RPS6KA2: variants seen among roughly 807,000 people sequenced by gnomAD.
RPS6KA2 encodes ribosomal protein S6 kinase alpha-2.
A neutral mutation model predicts 91.8 loss-of-function variants in RPS6KA2; 42 were observed. That is an observed-to-expected ratio of 0.46 (90% CI 0.36 to 0.59). The LOEUF (loss-of-function observed/expected upper bound fraction) is 0.59. Ranked by LOEUF, RPS6KA2 falls within the 20% of genes least tolerant of loss-of-function variation. The pLI is 0.00. For missense variants in RPS6KA2, 798 were observed against 978.5 expected, an observed-to-expected ratio of 0.82 and a Z score of 2.46; for synonymous variants, 414 against 393.6, an observed-to-expected ratio of 1.05 and a Z score of -0.61.
At chr6:166,576,316 T>A (rs1784835799) in intron 1 of RPS6KA2, among the ~76,000 whole-genome samples, 1 of 152,156 alleles carries the variant, frequency 6.6e-6, no homozygotes, top group Non-Finnish European at 1.5e-5. Flanking sequence ...AATGTGGAAG[T>A]GACTTTGGAA....
Position 166,648,164 on chromosome 6 carries a change from G to GCACACACATA in RPS6KA2, c.124-109381_124-109380insTATGTGTGTG, listed in dbSNP as rs796961486. On this transcript the variant is annotated intron_variant, in intron 2 of 21. Coordinates refer to the RPS6KA2 transcript ENST00000503859. The surrounding 1 kb of genome is among the most constrained non-coding windows in gnomAD (Gnocchi z 4.8). ...CACACGCACATGGTTACACACCCAT[G>GCACACACATA]CACACATGCTCACACACATGCACAC... Among the ~76,000 whole-genome samples, 25,624 of 119,738 alleles carry GCACACACATA rather than the reference G, an allele frequency of 0.21. 2,389 individuals are homozygous for GCACACACATA. Among genetic ancestry groups the GCACACACATA allele is most frequent in the Middle Eastern group, 0.34 (55 of 164 alleles). 78.6% of individuals were successfully genotyped at this position (119,738 alleles called of 152,430 possible).
chr6:166,540,944 C>T (rs559648851), intron 1 of RPS6KA2, among the ~76,000 whole-genome samples: 1 of 152,154 alleles, frequency 6.6e-6, no homozygotes, highest in Non-Finnish European at 1.5e-5. Flanking sequence ...CATTGACCTA[C>T]GAAAGGAAGA....
intron 1 of RPS6KA2, among the ~76,000 whole-genome samples, chr6:166,552,499 T>C (rs763565935): frequency 1.3e-5 from 2 of 152,142 alleles, no homozygotes; most frequent in Non-Finnish European, 2.9e-5. Flanking sequence ...AATATATAAG[T>C]GTTCAAGATC....
intron 2 of RPS6KA2, among the ~76,000 whole-genome samples, chr6:166,814,027 T>G (rs1451185456): frequency 6.6e-6 from 1 of 152,232 alleles, no homozygotes; most frequent in Non-Finnish European, 1.5e-5. Flanking sequence ...TGATTATTAT[T>G]GATCAACCCC....
At chr6:166,780,905 AG>A (rs890994376) in intron 2 of RPS6KA2, among the ~76,000 whole-genome samples, 22 of 152,214 alleles carry the variant, frequency 1.4e-4, no homozygotes, top group African/African-American at 5.3e-4. Flanking sequence ...AACACTCCCC[AG>A]TGGACTAATG....
intron 1 of RPS6KA2, among the ~76,000 whole-genome samples, chr6:166,567,770 C>G (rs1784546449): frequency 6.6e-6 from 1 of 152,210 alleles, no homozygotes; most frequent in African/African-American, 2.4e-5. Flanking sequence ...GAAACCCATG[C>G]CCTTCCCATG....
chr6:166,734,171 G>A (rs1379614157), intron 2 of RPS6KA2, among the ~76,000 whole-genome samples: 1 of 152,220 alleles, frequency 6.6e-6, no homozygotes, highest in Non-Finnish European at 1.5e-5. Context: ...GGGGGCCGAG[G>A]GCTCCTGGCA....
In RPS6KA2 at chr6:166,676,904, T is replaced by C. The variant is rs758955489; in HGVS notation, c.124-138120A>G. On this transcript the variant is annotated intron_variant, in intron 2 of 21. Coordinates refer to the RPS6KA2 transcript ENST00000503859. The stretch of plus-strand genomic sequence containing the variant: ...TCTTGTCCTTCTTGTTTTGACTGAT[T>C]AGTTATTGGAGAAACTGGAACTGAG... Among the ~76,000 whole-genome samples, 16 of 152,218 alleles carry C rather than the reference T, an allele frequency of 1.1e-4. 1 individual carries two copies. Among genetic ancestry groups the C allele is most frequent in the Admixed American group, 5.9e-4 (9 of 15,286 alleles).
intron 1 of RPS6KA2, among the ~76,000 whole-genome samples, chr6:166,589,842 C>T (rs531178422): frequency 1.3e-5 from 2 of 152,316 alleles, no homozygotes; most frequent in Admixed American, 1.3e-4. Context: ...TGATATACAA[C>T]ATAAACTAAA....
At chr6:166,711,480 A>T (rs1200444028) in intron 2 of RPS6KA2, among the ~76,000 whole-genome samples, 4 of 151,494 alleles carry the variant, frequency 2.6e-5, no homozygotes, top group Non-Finnish European at 5.9e-5. Context: ...CAGCCATGAT[A>T]AAAATGCTTC....
intron 11 of RPS6KA2, among the ~76,000 whole-genome samples, chr6:166,468,891 C>T (rs929970800): frequency 3.3e-5 from 5 of 149,786 alleles, no homozygotes; most frequent in East Asian, 1.9e-4. Context: ...GAGAGGAAAG[C>T]GAAAGCAGAT....
At chr6:166,678,611 C>G (rs1488120217) in intron 2 of RPS6KA2, among the ~76,000 whole-genome samples, 1 of 152,212 alleles carries the variant, frequency 6.6e-6, no homozygotes, top group Non-Finnish European at 1.5e-5. Context: ...CGTCTACTTA[C>G]AGTTCTCAAT....
chr6:166,819,103 A>G (rs955187056), intron 2 of RPS6KA2, among the ~76,000 whole-genome samples: 4 of 152,036 alleles, frequency 2.6e-5, no homozygotes, highest in African/African-American at 9.7e-5. Context: ...AGCCCACAAC[A>G]TCATTTGAAG....
intron 2 of RPS6KA2, among the ~76,000 whole-genome samples, chr6:166,830,949 A>C (rs943047484): frequency 1.3e-5 from 2 of 152,130 alleles, no homozygotes; most frequent in African/African-American, 4.8e-5. Flanking sequence ...GGCCAGACCC[A>C]GGCTCTCCCT....
At chr6:166,544,232 C>T (rs773641175) in intron 1 of RPS6KA2, among the ~76,000 whole-genome samples, 2 of 152,216 alleles carry the variant, frequency 1.3e-5, no homozygotes, top group Non-Finnish European at 2.9e-5. Context: ...TGTAGTCTAC[C>T]ACGCCGCTAG....
chr6:166,501,929 G>A (rs1486279411), intron 6 of RPS6KA2, among the ~76,000 whole-genome samples: 3 of 152,314 alleles, frequency 2.0e-5, no homozygotes, highest in Non-Finnish European at 4.4e-5. Flanking sequence ...AGAGGAGCCC[G>A]GAGGACATTA....
chr6:166,767,200 C>T lies in RPS6KA2; in HGVS notation c.123+91000G>A, dbSNP rs549248567. On this transcript the variant is annotated intron_variant, in intron 2 of 21. Transcript: ENST00000503859. The surrounding 1 kb of genome is among the most constrained non-coding windows in gnomAD (Gnocchi z 4.6). ...TTGTATTTTATCCCCTAGACTCTGC[C>T]CAGTTTTTAATGTCGCCTATCACCT... Among the ~76,000 whole-genome samples the T allele has an allele frequency of 5.9e-5, 9 of 152,306 alleles. No homozygotes were observed. In the East Asian group the frequency reaches 1.4e-3, roughly 23 times the overall value.
chr6:166,817,725 T>C (rs1233424975), intron 2 of RPS6KA2, among the ~76,000 whole-genome samples: 1 of 108,484 alleles, frequency 9.2e-6, no homozygotes, highest in South Asian at 3.4e-4. Flanking sequence ...TCTTTTTTTC[T>C]TTTTTTTTTT....
At chr6:166,702,156 T>C in intron 2 of RPS6KA2, 1 of 1,591,202 alleles carries the variant, frequency 6.3e-7, no homozygotes, top group Non-Finnish European at 8.6e-7. Flanking sequence ...TTAGACTGGG[T>C]CTGTTTGGTG....
Sources: gnomAD v4.1 joint callset for allele counts (sites outside exome capture counted in the v4.1 genomes callset) on GRCh38, gnomAD v4.1.1 for gene constraint, Gnocchi (gnomAD v3.1) non-coding constraint, MANE v1.5 for transcripts, NCBI Gene and HGNC (gene_info 2026-07-23, HGNC 2026-07-21) for gene names.